Variants in NOL10 observed in about 807,000 individuals in gnomAD.
NOL10 encodes the protein H_NH0074G24.1.
A neutral mutation model predicts 103.5 loss-of-function variants in NOL10; 58 were observed. That is an observed-to-expected ratio of 0.56 (90% CI 0.45 to 0.70). NOL10 has a LOEUF of 0.70. NOL10 is among the 30% of genes least tolerant of loss of function. The pLI, the probability that NOL10 is intolerant of heterozygous loss-of-function variation, is 0.00. For missense variants in NOL10, 763 were observed against 807.3 expected (o/e 0.95, Z 0.67); for synonymous variants, 287 against 282.5 (o/e 1.02, Z -0.16).
intron 13 of NOL10, among the ~76,000 whole-genome samples, chr2:10,634,195 G>A (rs898560463): frequency 1.3e-5 from 2 of 152,136 alleles, no homozygotes; most frequent in African/African-American, 4.8e-5. Flanking sequence ...TTACAAGAGA[G>A]ACAAAAGCAG....
chr2:10,671,662 A>G lies in NOL10; in HGVS notation c.356T>C (p.Ile119Thr), dbSNP rs1680948995. The change falls in exon 6 of 21, where the codon ATT (isoleucine) becomes ACT (threonine). Residue 119 changes from isoleucine to threonine, a missense_variant. Transcript: ENST00000381685. ...AAAACCTGATTGCGAATGAAATTCA[A>G]TGTATCTATCATTATGTAAGAAGAC... The part of the protein sequence containing the change: ...KIVFLHNDRY[I>T]EFHSQSGFYY... 1 of 1,576,304 alleles carries G rather than the reference A, an allele frequency of 6.3e-7. No homozygotes were observed. Among genetic ancestry groups the G allele is most frequent in the Non-Finnish European group, 8.6e-7 (1 of 1,158,506 alleles).
chr2:10,680,017 A>G lies in NOL10; in HGVS notation c.211+1954T>C, dbSNP rs186905053. 2.1e-3 allele frequency among the ~76,000 whole-genome samples: 321 copies of G among 152,202 alleles called. 2 individuals are homozygous for G. The highest frequency in any genetic ancestry group is 7.5e-3 in the African/African-American group (310 of 41,544). On this transcript the variant is annotated intron_variant, in intron 3 of 20. Transcript: ENST00000381685. The stretch of plus-strand genomic sequence containing the variant: ...AGGCCAGGCGCAGTGGCTCACACCT[A>G]TAATCCCAGCACTTTGGAAGGGCGA...
At chr2:10,608,283 G>C (rs1251818443) in intron 13 of NOL10, among the ~76,000 whole-genome samples, 1 of 152,126 alleles carries the variant, frequency 6.6e-6, no homozygotes, top group Admixed American at 6.6e-5. Context: ...GGAACAAAAG[G>C]CTGAACAGAA....
intron 19 of NOL10, among the ~76,000 whole-genome samples, chr2:10,585,738 C>G (rs1255057330): frequency 6.6e-6 from 1 of 152,066 alleles, no homozygotes; most frequent in Non-Finnish European, 1.5e-5. Context: ...CTGTGCACAC[C>G]CTCTCCTATA....
intron 13 of NOL10, among the ~76,000 whole-genome samples, chr2:10,629,588 A>G (rs1480226001): frequency 6.6e-6 from 1 of 152,200 alleles, no homozygotes; most frequent in Non-Finnish European, 1.5e-5. Context: ...CCTTGATGAT[A>G]TAATTGGGGA....
At chr2:10,597,822 G>A (rs562217869) in intron 17 of NOL10, among the ~76,000 whole-genome samples, 74 of 152,286 alleles carry the variant, frequency 4.9e-4, no homozygotes, top group African/African-American at 1.7e-3. Context: ...GCTGTTTGAT[G>A]GAAGAAGATA....
chr2:10,633,552 G>T (rs1302519651), intron 13 of NOL10, among the ~76,000 whole-genome samples: 1 of 151,802 alleles, frequency 6.6e-6, no homozygotes, highest in Non-Finnish European at 1.5e-5. Context: ...CCCATTTATG[G>T]TGGCAGTGGC....
intron 20 of NOL10, among the ~76,000 whole-genome samples, chr2:10,574,815 C>G (rs1417694308): frequency 1.3e-5 from 2 of 152,188 alleles, no homozygotes; most frequent in African/African-American, 4.8e-5. Context: ...CAAAAGTAAT[C>G]TTCCAGAGTC....
chr2:10,615,749 AGGCTCT>A (rs1676800525), intron 13 of NOL10, among the ~76,000 whole-genome samples: 1 of 152,218 alleles, frequency 6.6e-6, no homozygotes, highest in Non-Finnish European at 1.5e-5. Flanking sequence ...AAGAACTTCA[AGGCTCT>A]AAGCATGGGG....
At chr2:10,646,128 G>C (rs1340735914) in intron 12 of NOL10, among the ~76,000 whole-genome samples, 1 of 152,132 alleles carries the variant, frequency 6.6e-6, no homozygotes, top group East Asian at 1.9e-4. Context: ...CGTTCACCGA[G>C]GTCATGATGG....
intron 12 of NOL10, among the ~76,000 whole-genome samples, chr2:10,653,589 C>A (rs1679631296): frequency 6.6e-6 from 1 of 152,190 alleles, no homozygotes; most frequent in African/African-American, 2.4e-5. Context: ...CTACCACCCA[C>A]CACTCTCTGC....
intron 17 of NOL10, among the ~76,000 whole-genome samples, chr2:10,594,129 C>T (rs752492871): frequency 1.5e-5 from 2 of 136,712 alleles, no homozygotes; most frequent in Non-Finnish European, 3.4e-5. Flanking sequence ...AACTTCTAGA[C>T]TGAGATGGGC....
chr2:10,652,879 A>G (rs1365585778), intron 12 of NOL10, among the ~76,000 whole-genome samples: 1 of 152,144 alleles, frequency 6.6e-6, no homozygotes, highest in African/African-American at 2.4e-5. Flanking sequence ...CCGCCTAAGA[A>G]TCCACCGGGA....
intron 13 of NOL10, among the ~76,000 whole-genome samples, chr2:10,629,870 C>T (rs1173998228): frequency 6.6e-6 from 1 of 152,214 alleles, no homozygotes; most frequent in African/African-American, 2.4e-5. Flanking sequence ...AGTCCATGCT[C>T]ACACAATGCC....
intron 10 of NOL10, 122 bp downstream of exon 10, chr2:10,659,050 C>T: frequency 1.4e-6 from 1 of 694,918 alleles, no homozygotes; most frequent in Non-Finnish European, 2.5e-6. Context: ...TTCTGGAATA[C>T]CCTCTGGTCT....
intron 20 of NOL10, among the ~76,000 whole-genome samples, chr2:10,577,399 C>G (rs1437933518): frequency 6.6e-6 from 1 of 152,208 alleles, no homozygotes; most frequent in East Asian, 1.9e-4. Flanking sequence ...ACTCCAGGGC[C>G]ACTAACTCCC....
At chr2:10,600,039 C>T (rs1356143541) in intron 17 of NOL10, among the ~76,000 whole-genome samples, 1 of 152,126 alleles carries the variant, frequency 6.6e-6, no homozygotes, top group South Asian at 2.1e-4. Flanking sequence ...GAGGGCACCA[C>T]ACAGCTGGCC....
At chr2:10,633,336 G>A (rs115242328) in intron 13 of NOL10, among the ~76,000 whole-genome samples, 5,033 of 152,000 alleles carry the variant, frequency 0.033, 292 homozygotes, top group African/African-American at 0.12. Flanking sequence ...GATTACAGGT[G>A]GGTACCACCG....
rs530041624 is a variant in NOL10, at chr2:10,665,673, G to A, written c.591+1545C>T. Among the ~76,000 whole-genome samples, 4 of 152,302 alleles carry A rather than the reference G, an allele frequency of 2.6e-5. No individual in the cohort carries two copies. In the South Asian group the frequency reaches 8.3e-4, roughly 32 times the overall value. ...AACTTCTCTTAGCACATTGCCTGGT[G>A]TCTAGCCTAGACTGCCCTGTAAGGA... On this transcript the variant is annotated intron_variant, in intron 8 of 20. Coordinates refer to ENST00000381685, the MANE Select transcript of NOL10 (RefSeq NM_024894.4).
Sources: allele counts gnomAD v4.1 joint callset (sites outside exome capture counted in the v4.1 genomes callset), GRCh38; gene constraint gnomAD v4.1.1; transcripts MANE v1.5; gene names NCBI Gene and HGNC (gene_info 2026-07-23, HGNC 2026-07-21).